Variants in SPOCK3 observed in about 807,000 individuals in gnomAD.
SPOCK3 encodes the protein SPARC (osteonectin), cwcv and kazal like domains proteoglycan 3.
A neutral mutation model predicts 56.6 loss-of-function variants in SPOCK3; 30 were observed. The observed-to-expected ratio is 0.53, with a 90% CI of 0.40 to 0.72. The LOEUF (loss-of-function observed/expected upper bound fraction) is 0.72, where lower values mean the gene tolerates loss of function less well. Ranked by LOEUF, SPOCK3 falls within the 30% of genes least tolerant of loss-of-function variation. SPOCK3 has a pLI of 0.00. For missense variants in SPOCK3, 527 were observed against 530.0 expected, an observed-to-expected ratio of 0.99 and a Z score of 0.06; for synonymous variants, 196 against 183.3, an observed-to-expected ratio of 1.07 and a Z score of -0.56.
intron 3 of SPOCK3, among the ~76,000 whole-genome samples, chr4:167,054,979 AT>A (rs1406468569): frequency 2.0e-5 from 3 of 147,692 alleles, no homozygotes; most frequent in Non-Finnish European, 4.4e-5. Context: ...ATTGATTAAC[AT>A]TTTCATTGGT....
At chr4:167,127,504 T>G (rs565340763) in intron 2 of SPOCK3, among the ~76,000 whole-genome samples, 5 of 152,146 alleles carry the variant, frequency 3.3e-5, no homozygotes, top group African/African-American at 9.6e-5. Context: ...CTCGGCTCAC[T>G]GCAACCTCTG....
intron 2 of SPOCK3, among the ~76,000 whole-genome samples, chr4:167,078,762 C>T (rs921106970): frequency 2.0e-5 from 3 of 151,256 alleles, no homozygotes. Context: ...ATTTAATTTC[C>T]AAGTGCAAGT....
intron 6 of SPOCK3, among the ~76,000 whole-genome samples, chr4:166,826,998 A>C (rs184473909): frequency 2.0e-5 from 3 of 152,216 alleles, no homozygotes; most frequent in South Asian, 4.1e-4. Flanking sequence ...AAAAAAATAA[A>C]AACATGACTT....
At chr4:166,931,693 T>C (rs1240909191) in intron 4 of SPOCK3, among the ~76,000 whole-genome samples, 1 of 152,220 alleles carries the variant, frequency 6.6e-6, no homozygotes, top group Non-Finnish European at 1.5e-5. Flanking sequence ...TTATATTTTG[T>C]GTTTATTTTC....
rs1342394919 is a variant in SPOCK3, at chr4:166,754,717, C to CTGGTATCGAA, written c.712_721dup (p.Ser241IlefsTer18). The CTGGTATCGAA allele has an allele frequency of 6.2e-7, 1 of 1,613,274 alleles. No homozygotes were observed. The highest frequency in any genetic ancestry group is 8.5e-7 in the Non-Finnish European group (1 of 1,179,544). On this transcript the variant is annotated frameshift_variant, in exon 8 of 11. Transcript: ENST00000357545. LOFTEE classifies it high-confidence loss of function. ...TGAGTCCTTGCAAATTGGCAAGATG[C>CTGGTATCGAA]TGGTATCGAATCCTAAAGGCAAAAA...
intron 5 of SPOCK3, among the ~76,000 whole-genome samples, chr4:166,890,012 T>C (rs1016229302): frequency 6.6e-5 from 10 of 151,910 alleles, no homozygotes; most frequent in African/African-American, 1.9e-4. Context: ...GTGCAAATGG[T>C]TTTTAGACTG....
chr4:167,218,725 A>T (rs1337757428), intron 2 of SPOCK3, among the ~76,000 whole-genome samples: 1 of 152,168 alleles, frequency 6.6e-6, no homozygotes, highest in Non-Finnish European at 1.5e-5. Context: ...TTCCCATTTT[A>T]AAAAATTTTT....
chr4:166,991,704 A>G (rs1747810315), intron 4 of SPOCK3, among the ~76,000 whole-genome samples: 1 of 152,118 alleles, frequency 6.6e-6, no homozygotes, highest in Non-Finnish European at 1.5e-5. Flanking sequence ...AAACTACGAC[A>G]GTTGAAAACT....
chr4:166,850,284 G>A (rs1238820750), intron 6 of SPOCK3, among the ~76,000 whole-genome samples: 2 of 152,160 alleles, frequency 1.3e-5, no homozygotes, highest in South Asian at 2.1e-4. Flanking sequence ...GTAGACATAT[G>A]AATGTGTCTA....
At chr4:167,102,768 A>G (rs1455752060) in intron 2 of SPOCK3, among the ~76,000 whole-genome samples, 1 of 152,002 alleles carries the variant, frequency 6.6e-6, no homozygotes, top group Non-Finnish European at 1.5e-5. Flanking sequence ...CCTCGCCACC[A>G]TGGCCAAATA....
intron 2 of SPOCK3, among the ~76,000 whole-genome samples, chr4:167,168,889 C>T (rs1460003715): frequency 6.6e-6 from 1 of 152,082 alleles, no homozygotes; most frequent in African/African-American, 2.4e-5. Flanking sequence ...CTATGTGTAG[C>T]CTAGGGACTT....
chr4:167,043,093 TG>T (rs1753376418), intron 3 of SPOCK3, among the ~76,000 whole-genome samples: 1 of 152,112 alleles, frequency 6.6e-6, no homozygotes, highest in Non-Finnish European at 1.5e-5. Context: ...CTTTTCACAT[TG>T]GCTTCTCTCA....
chr4:167,085,197 T>G (rs1242869232), intron 2 of SPOCK3, among the ~76,000 whole-genome samples: 2 of 149,986 alleles, frequency 1.3e-5, no homozygotes, highest in African/African-American at 4.9e-5. Context: ...AACACAAATG[T>G]CCTTTGAGGA....
At chr4:167,201,403 A>T (rs2110927474) in intron 2 of SPOCK3, among the ~76,000 whole-genome samples, 1 of 152,112 alleles carries the variant, frequency 6.6e-6, no homozygotes, top group East Asian at 1.9e-4. Flanking sequence ...ATATATGAGA[A>T]TTGGGAAGAC....
intron 6 of SPOCK3, among the ~76,000 whole-genome samples, chr4:166,841,338 G>A (rs530260552): frequency 1.4e-4 from 21 of 152,144 alleles, no homozygotes; most frequent in African/African-American, 3.6e-4. Context: ...CACAGAATAA[G>A]AATAATAAGT....
intron 2 of SPOCK3, among the ~76,000 whole-genome samples, chr4:167,187,674 C>T (rs1732117715): frequency 6.6e-6 from 1 of 151,886 alleles, no homozygotes; most frequent in African/African-American, 2.4e-5. Flanking sequence ...CACTTAAAAT[C>T]TTTTGATTAG....
chr4:167,046,450 C>CTT (rs67108499), intron 3 of SPOCK3, among the ~76,000 whole-genome samples: 587 of 53,696 alleles, frequency 0.011, 32 homozygotes, highest in East Asian at 0.022. Flanking sequence ...TTCTGATATT[C>CTT]TTTTTTTTTT....
At chr4:166,949,808 A>C (rs1742294586) in intron 4 of SPOCK3, among the ~76,000 whole-genome samples, 1 of 152,158 alleles carries the variant, frequency 6.6e-6, no homozygotes, top group South Asian at 2.1e-4. Flanking sequence ...AGAATTTTCA[A>C]CCCAGAATTT....
At chr4:167,233,159 G>T (rs562697343) in intron 2 of SPOCK3, among the ~76,000 whole-genome samples, 21 of 152,286 alleles carry the variant, frequency 1.4e-4, no homozygotes, top group African/African-American at 5.1e-4. Context: ...CTCTGTACGT[G>T]AGCAGCTCTT....
Sources: gnomAD v4.1 joint callset for allele counts (sites outside exome capture counted in the v4.1 genomes callset) on GRCh38, gnomAD v4.1.1 for gene constraint, MANE v1.5 for transcripts, NCBI Gene and HGNC (gene_info 2026-07-23, HGNC 2026-07-21) for gene names.